FMR1NB: variants seen among roughly 807,000 people sequenced by gnomAD.
The protein encoded by FMR1NB is FMR1 neighbor protein.
FMR1NB carries 10 observed loss-of-function variants against 16.8 expected under a neutral mutation model. The observed-to-expected ratio is 0.60, with a 90% confidence interval of 0.37 to 1.01. The LOEUF (loss-of-function observed/expected upper bound fraction) is 1.01. Among genes scored for constraint, FMR1NB ranks in the 50% least tolerant of loss-of-function variants. The pLI is 0.01. For missense variants in FMR1NB, 205 were observed against 204.8 expected, an observed-to-expected ratio of 1.00 and a Z score of 0.00; for synonymous variants, 83 against 79.1, an observed-to-expected ratio of 1.05 and a Z score of -0.26.
chrX:148,021,290 G>C (rs1823695456), intron 4 of FMR1NB, among the ~76,000 whole-genome samples: 1 of 111,114 alleles, frequency 9.0e-6, no homozygotes, highest in Non-Finnish European at 1.9e-5. Context: ...GGCGGCATTG[G>C]CAATTCAAGA....
At chrX:147,989,812 G>A (rs2044495136) in intron 1 of FMR1NB, among the ~76,000 whole-genome samples, 1 of 110,764 alleles carries the variant, frequency 9.0e-6, no homozygotes, top group South Asian at 3.9e-4. Context: ...GGGGAAAGCC[G>A]CCTACTCAAG....
chrX:147,982,811 A>C (rs1373563669), intron 1 of FMR1NB, among the ~76,000 whole-genome samples: 3 of 103,879 alleles, frequency 2.9e-5, no homozygotes, highest in African/African-American at 7.1e-5. Context: ...GGAGAACGGC[A>C]TGGACCCGGA....
chrX:148,013,252 A>G (rs1248411086), intron 4 of FMR1NB, among the ~76,000 whole-genome samples: 1 of 112,178 alleles, frequency 8.9e-6, no homozygotes, highest in East Asian at 2.8e-4. Context: ...AGTAGGTACT[A>G]TTAAAAAGAA....
At chrX:148,008,361 G>A in intron 3 of FMR1NB, 1 of 317,911 alleles carries the variant, frequency 3.1e-6, no homozygotes. Context: ...ATCAATGATG[G>A]TACAAAAAAT....
At position 147,983,399 on chromosome X, in the gene FMR1NB, C is replaced by T. The variant is rs146170965; in HGVS notation, c.277+1720C>T. On this transcript the variant is annotated intron_variant, in intron 1 of 5. Transcript: ENST00000370467. ...TTTCAATTTCACCAATATATGTTAT[C>T]TGTCCCCCTTGTTATACATTATAGC... Among the ~76,000 whole-genome samples, 108 of 112,375 alleles carry T rather than the reference C, an allele frequency of 9.6e-4. 2 individuals carry two copies. In the East Asian group the frequency reaches 0.022, roughly 23 times the overall value.
intron 1 of FMR1NB, among the ~76,000 whole-genome samples, chrX:147,986,408 G>A (rs1557187098): frequency 8.9e-6 from 1 of 112,006 alleles, no homozygotes. Flanking sequence ...CCTCTGTCCT[G>A]AATGGTATTG....
intron 1 of FMR1NB, among the ~76,000 whole-genome samples, chrX:147,996,311 C>A (rs2044541245): frequency 8.9e-6 from 1 of 111,802 alleles, no homozygotes; most frequent in South Asian, 3.7e-4. Flanking sequence ...ATCCTCATAA[C>A]ACTTCAAAAT....
intron 4 of FMR1NB, among the ~76,000 whole-genome samples, chrX:148,011,284 CA>C (rs11354434): frequency 0.18 from 18,889 of 104,386 alleles, 1,727 homozygotes; most frequent in African/African-American, 0.35. Flanking sequence ...AAAACAAAAA[CA>C]AAAAAAAAAT....
intron 1 of FMR1NB, among the ~76,000 whole-genome samples, chrX:147,993,094 G>C (rs1450851638): frequency 1.6e-4 from 17 of 108,889 alleles, no homozygotes; most frequent in African/African-American, 5.4e-4. Flanking sequence ...GTAGTGAGCC[G>C]AGATCACGCC....
chrX:148,007,593 G>A (rs909136383), intron 3 of FMR1NB, among the ~76,000 whole-genome samples: 2 of 111,795 alleles, frequency 1.8e-5, no homozygotes, highest in Non-Finnish European at 3.8e-5. Flanking sequence ...ACCGAGTCTT[G>A]TTCTATAGTT....
At chrX:147,998,722 C>T (rs1425914118) in intron 1 of FMR1NB, among the ~76,000 whole-genome samples, 3 of 112,557 alleles carry the variant, frequency 2.7e-5, no homozygotes, top group African/African-American at 9.7e-5. Context: ...AAACTCATAG[C>T]AAACATTAAT....
At chrX:148,015,446 A>G (rs2044645002) in intron 4 of FMR1NB, among the ~76,000 whole-genome samples, 1 of 111,407 alleles carries the variant, frequency 9.0e-6, no homozygotes, top group East Asian at 2.8e-4. Context: ...TTTTTGATAT[A>G]GGTACTTACA....
chrX:147,998,631 C>T (rs5904831), intron 1 of FMR1NB, among the ~76,000 whole-genome samples: 2 of 112,068 alleles, frequency 1.8e-5, no homozygotes, highest in Admixed American at 9.4e-5. Flanking sequence ...AAGATTTGCC[C>T]TATGGCAAGT....
intron 1 of FMR1NB, among the ~76,000 whole-genome samples, chrX:148,000,929 C>T (rs942211081): frequency 9.0e-6 from 1 of 111,465 alleles, no homozygotes; most frequent in Admixed American, 9.6e-5. Flanking sequence ...AGAAAGGAGA[C>T]AAAGTCATCT....
At chrX:147,996,766 T>C (rs1557188199) in intron 1 of FMR1NB, among the ~76,000 whole-genome samples, 1 of 111,948 alleles carries the variant, frequency 8.9e-6, no homozygotes, top group African/African-American at 3.2e-5. Context: ...CTGCACTGAG[T>C]CTGGTGTTTC....
At chrX:148,013,110 T>C (rs1268770051) in intron 4 of FMR1NB, among the ~76,000 whole-genome samples, 1 of 111,746 alleles carries the variant, frequency 8.9e-6, no homozygotes, top group Non-Finnish European at 1.9e-5. Flanking sequence ...CGTATAAAGC[T>C]GGTACTTCTT....
At chrX:147,995,488 A>T (rs2124616267) in intron 1 of FMR1NB, among the ~76,000 whole-genome samples, 1 of 111,606 alleles carries the variant, frequency 9.0e-6, no homozygotes, top group South Asian at 3.8e-4. Flanking sequence ...ATTGCCTTTC[A>T]AGTTATATTT....
intron 4 of FMR1NB, among the ~76,000 whole-genome samples, chrX:148,011,825 A>C (rs146810404): frequency 9.0e-6 from 1 of 111,442 alleles, no homozygotes; most frequent in East Asian, 2.8e-4. Context: ...AAAAATCTAT[A>C]ACTGAATCTC....
At chrX:148,017,743 T>C (rs1299220781) in intron 4 of FMR1NB, among the ~76,000 whole-genome samples, 6 of 83,303 alleles carry the variant, frequency 7.2e-5, no homozygotes, top group Admixed American at 3.1e-4. Context: ...CCTGTGTCCA[T>C]GTGATCTCAT....
Sources: allele counts gnomAD v4.1 joint callset (sites outside exome capture counted in the v4.1 genomes callset), GRCh38; gene constraint gnomAD v4.1.1; transcripts MANE v1.5; gene names NCBI Gene and HGNC (gene_info 2026-07-23, HGNC 2026-07-21).